The following CD84 variants were observed in gnomAD, a reference collection of about 807,000 sequenced individuals.
CD84 encodes CD84 molecule, also known as SLAM family member 5.
In CD84, 22 loss-of-function variants were observed where a neutral mutation model predicts 33.8. The ratio of observed to expected loss-of-function variants is 0.65; its 90% CI spans 0.46 to 0.93. The LOEUF (loss-of-function observed/expected upper bound fraction) is 0.93. CD84 is among the 40% of genes least tolerant of loss of function. CD84 has a pLI of 0.00. For synonymous variants in CD84, 154 were observed against 145.2 expected, an observed-to-expected ratio of 1.06 and a Z score of -0.44; for missense variants, 400 against 397.6, an observed-to-expected ratio of 1.01 and a Z score of -0.05.
At chr1:160,553,101 G>A (rs41266915) in intron 4 of CD84, 34 of 588,560 alleles carry the variant, frequency 5.8e-5, no homozygotes, top group East Asian at 4.4e-4. Flanking sequence ...GAACACACTC[G>A]TACAGTGAAG....
At chr1:160,551,878 C>A (rs1246474633) in intron 4 of CD84, among the ~76,000 whole-genome samples, 1 of 152,196 alleles carries the variant, frequency 6.6e-6, no homozygotes. Flanking sequence ...TATTAAGCAC[C>A]TTCTATGTGC....
rs762347904 is a variant in CD84, at chr1:160,543,096, A to C, written c.*5160T>G. The C allele has an allele frequency of 6.6e-6, 1 of 152,208 alleles. No individual in the cohort carries two copies. Among genetic ancestry groups the C allele is most frequent in the Non-Finnish European group, 1.5e-5 (1 of 68,036 alleles). 9.4% of individuals were successfully genotyped at this position (152,208 alleles called of 1,614,324 possible). ...GTCCAAAATGCATATAGAGAGCTCT[A>C]TCCAACCTTCTTTAATTAAATGGGC... On this transcript the variant is annotated 3_prime_UTR_variant, in exon 7 of 7. Transcript: ENST00000368054.
At chr1:160,548,915 T>C (rs570062935) in intron 6 of CD84, among the ~76,000 whole-genome samples, 4 of 152,346 alleles carry the variant, frequency 2.6e-5, no homozygotes, top group Middle Eastern at 6.8e-3. Flanking sequence ...TAAGTTAAGT[T>C]ACTCTTGTTC....
rs1278265151 is a variant in CD84 at position 160,545,056 on chromosome 1, A to G, written c.*3200T>C. On this transcript the variant is annotated 3_prime_UTR_variant, in exon 7 of 7. Coordinates refer to ENST00000368054, the MANE Select transcript of CD84 (RefSeq NM_003874.4). ...CATTTTACAGAAGGAAAATCTAAGA[A>G]CTAAGACCTAGAGAGAAGGGTGAAC... The G allele has an allele frequency of 3.3e-5, 5 of 152,244 alleles. No homozygotes were observed. Among genetic ancestry groups the G allele is most frequent in the Admixed American group, 6.5e-5 (1 of 15,286 alleles). The allele number at this position is 152,244 out of a possible 1,614,324, so 9.4% of individuals were successfully genotyped here.
At chr1:160,555,154 C>A (rs1008170078) in intron 2 of CD84, among the ~76,000 whole-genome samples, 2 of 150,358 alleles carry the variant, frequency 1.3e-5, no homozygotes, top group Non-Finnish European at 2.9e-5. Flanking sequence ...GATCTCGGCT[C>A]ACTGCAAGCT....
intron 6 of CD84, 132 bp downstream of exon 6, chr1:160,549,785 A>T (rs757993930): frequency 6.6e-6 from 5 of 758,218 alleles, no homozygotes; most frequent in Non-Finnish European, 1.2e-5. Flanking sequence ...TAGACCAAAA[A>T]CCTAGGCAGT....
At chr1:160,568,123 G>C (rs1657441219) in intron 1 of CD84, among the ~76,000 whole-genome samples, 1 of 152,122 alleles carries the variant, frequency 6.6e-6, no homozygotes, top group Non-Finnish European at 1.5e-5. Flanking sequence ...TTAGGTGTGA[G>C]GAGAGAGACA....
intron 4 of CD84, 146 bp from the exon 5 acceptor site, chr1:160,551,181 C>A: frequency 3.0e-6 from 2 of 664,256 alleles, no homozygotes; most frequent in Non-Finnish European, 5.4e-6. Context: ...TGCTTGGATC[C>A]TCAGAATGTC....
chr1:160,575,831 C>G (rs1410950667), intron 1 of CD84, among the ~76,000 whole-genome samples: 1 of 152,180 alleles, frequency 6.6e-6, no homozygotes. Flanking sequence ...GGTGCTCTGG[C>G]TGCCTTGTTG....
intron 4 of CD84, chr1:160,552,843 G>T: frequency 1.3e-6 from 1 of 795,016 alleles, no homozygotes; most frequent in Non-Finnish European, 2.2e-6. Flanking sequence ...CATGGGATGT[G>T]GGTGAATCGG....
intron 1 of CD84, among the ~76,000 whole-genome samples, chr1:160,566,969 A>C (rs1366496206): frequency 1.3e-5 from 2 of 152,186 alleles, no homozygotes; most frequent in African/African-American, 4.8e-5. Flanking sequence ...CTTCTTCATT[A>C]TCCTATAATT....
intron 1 of CD84, among the ~76,000 whole-genome samples, chr1:160,570,307 T>C (rs1271556772): frequency 6.6e-6 from 1 of 152,142 alleles, no homozygotes; most frequent in Admixed American, 6.5e-5. Context: ...GTAAGTAAGC[T>C]CTTGGAATGA....
rs909095941 is a variant in CD84 at position 160,547,249 on chromosome 1, G to A, written c.*1007C>T. ...ACCATCATCTCCCAAGTTCCTTCTG[G>A]AGAATGACTCTGCTTCTTGCAAGGT... On this transcript the variant is annotated 3_prime_UTR_variant, in exon 7 of 7. Transcript: ENST00000368054. 4 of 398,430 alleles carry A rather than the reference G, an allele frequency of 1.0e-5. No individual in the cohort carries two copies. The highest frequency in any genetic ancestry group is 1.3e-4 in the South Asian group (1 of 7,794). The allele number at this position is 398,430 out of a possible 1,614,324, so 24.7% of individuals were successfully genotyped here.
intron 6 of CD84, among the ~76,000 whole-genome samples, chr1:160,549,028 C>T (rs1571344128): frequency 6.6e-6 from 1 of 152,078 alleles, no homozygotes; most frequent in African/African-American, 2.4e-5. Flanking sequence ...CATTCCTCCC[C>T]TTCTTTTTCT....
In CD84 at chr1:160,565,501, G is replaced by T. The variant is rs777137582; in HGVS notation, c.291C>A (p.Ser97Arg). ...CTCCTGCGTCTTCCATCCTCAGATC[G>T]CTAATGACCAGATTGTAGTTCGGAC... is the stretch of plus-strand genomic sequence containing the variant. ...ALGPNYNLVI[S>R]DLRMEDAGDY... is the part of the protein sequence containing the mutation. The change falls in exon 2 of 7, where the codon AGC becomes AGA. Residue 97 changes from serine to arginine, a missense_variant. Ser to Arg is a moderately radical substitution (Grantham distance 110). Transcript: ENST00000368054. 1.2e-6 allele frequency: 2 copies of T among 1,613,868 alleles called. No homozygotes were observed. Among genetic ancestry groups the T allele is most frequent in the East Asian group, 2.2e-5 (1 of 44,884 alleles).
intron 2 of CD84, among the ~76,000 whole-genome samples, chr1:160,562,229 T>G (rs1027078685): frequency 6.6e-6 from 1 of 152,098 alleles, no homozygotes; most frequent in Non-Finnish European, 1.5e-5. Context: ...AAAAACTACT[T>G]TAAAATTCAT....
At position 160,547,070 on chromosome 1, in the gene CD84, T is replaced by A; in HGVS notation, c.*1186A>T. 1 of 398,820 alleles carries A rather than the reference T, an allele frequency of 2.5e-6. No homozygotes were observed. The highest frequency in any genetic ancestry group is 3.6e-5 in the East Asian group (1 of 28,080). 24.7% of individuals were successfully genotyped at this position (398,820 alleles called of 1,614,324 possible). A position where few individuals can be genotyped will look rare whatever the true frequency, so the allele number is the denominator to read the frequency against. ...ATCATATGAATGTCTTGCTCAGTTGTGAATGATTCTTCCTCATTGAGGAGA... is the reference window on the plus strand; with the variant it reads ...ATCATATGAATGTCTTGCTCAGTTGAGAATGATTCTTCCTCATTGAGGAGA... On this transcript the variant is annotated 3_prime_UTR_variant, in exon 7 of 7. Transcript: ENST00000368054.
intron 1 of CD84, chr1:160,571,504 G>A (rs1290344267): frequency 6.6e-6 from 1 of 152,208 alleles, no homozygotes; most frequent in East Asian, 1.9e-4. Context: ...TGTAGTACAA[G>A]TAAGACAACT....
At chr1:160,556,390 T>C (rs981954158) in intron 2 of CD84, among the ~76,000 whole-genome samples, 1 of 152,178 alleles carries the variant, frequency 6.6e-6, no homozygotes, top group Non-Finnish European at 1.5e-5. Flanking sequence ...AACATGAGGG[T>C]AAAAATTTTT....
Sources: allele counts gnomAD v4.1 joint callset (sites outside exome capture counted in the v4.1 genomes callset), GRCh38; gene constraint gnomAD v4.1.1; transcripts MANE v1.5; gene names NCBI Gene and HGNC (gene_info 2026-07-23, HGNC 2026-07-21).